Variants in C8orf34 observed in about 807,000 individuals in gnomAD.
C8orf34 encodes the protein uncharacterized protein C8orf34.
In C8orf34, 65 loss-of-function variants were observed where a neutral mutation model predicts 68.3. The ratio of observed to expected loss-of-function variants is 0.95; its 90% confidence interval spans 0.78 to 1.17. C8orf34 has a LOEUF of 1.17. Among genes scored for constraint, C8orf34 ranks in the 50% most tolerant of loss-of-function variants. The pLI is 0.00. For synonymous variants in C8orf34, 244 were observed against 241.2 expected (o/e 1.01, Z -0.11); for missense variants, 664 against 655.4 (o/e 1.01, Z -0.14).
chr8:68,691,664 C>G (rs1820689151), intron 8 of C8orf34, among the ~76,000 whole-genome samples: 1 of 151,836 alleles, frequency 6.6e-6, no homozygotes, highest in East Asian at 1.9e-4. Context: ...GAAAATAATC[C>G]TTGTTCATAA....
intron 1 of C8orf34, among the ~76,000 whole-genome samples, chr8:68,400,382 G>A (rs143760816): frequency 8.9e-4 from 135 of 152,084 alleles, no homozygotes; most frequent in Non-Finnish European, 1.2e-3. Context: ...TCTTCTGCAT[G>A]TGGCTATCCA....
intron 4 of C8orf34, among the ~76,000 whole-genome samples, chr8:68,471,929 C>T (rs533186207): frequency 0.033 from 1,327 of 40,286 alleles, 9 homozygotes; most frequent in Non-Finnish European, 0.058. Flanking sequence ...TAAATGAACA[C>T]ACACACACAC....
chr8:68,550,916 C>G (rs116721851), intron 7 of C8orf34, among the ~76,000 whole-genome samples: 431 of 151,108 alleles, frequency 2.9e-3, no homozygotes, highest in African/African-American at 9.4e-3. Context: ...GTTCTGCTTC[C>G]CCCCCTCTGG....
intron 7 of C8orf34, among the ~76,000 whole-genome samples, chr8:68,537,166 A>G (rs1356608205): frequency 1.3e-5 from 2 of 152,138 alleles, no homozygotes; most frequent in African/African-American, 4.8e-5. Context: ...CTAATGAGAA[A>G]TGAATGCTGT....
At chr8:68,754,365 T>C (rs1472856617) in intron 10 of C8orf34, among the ~76,000 whole-genome samples, 3 of 152,252 alleles carry the variant, frequency 2.0e-5, no homozygotes, top group Non-Finnish European at 4.4e-5. Flanking sequence ...CAAAATCTGC[T>C]ACCAGGAATG....
chr8:68,571,782 A>C (rs1816765978), intron 7 of C8orf34, among the ~76,000 whole-genome samples: 1 of 152,236 alleles, frequency 6.6e-6, no homozygotes, highest in Admixed American at 6.5e-5. Context: ...ATTTCAGAAT[A>C]TGAACACGGT....
intron 7 of C8orf34, among the ~76,000 whole-genome samples, chr8:68,637,349 T>C (rs1585652707): frequency 6.6e-6 from 1 of 152,222 alleles, no homozygotes; most frequent in East Asian, 1.9e-4. Context: ...TGCCTGAATA[T>C]TAAAGGGAGG....
intron 7 of C8orf34, among the ~76,000 whole-genome samples, chr8:68,636,845 C>A (rs1426017172): frequency 6.6e-6 from 1 of 152,138 alleles, no homozygotes; most frequent in Non-Finnish European, 1.5e-5. Flanking sequence ...AATGTACCAG[C>A]ATCATGGACA....
intron 8 of C8orf34, among the ~76,000 whole-genome samples, chr8:68,671,648 T>C (rs1820014078): frequency 1.3e-5 from 2 of 152,212 alleles, no homozygotes; most frequent in Non-Finnish European, 2.9e-5. Flanking sequence ...TGTGTTAAAT[T>C]GTTGCTAAAA....
chr8:68,667,684 C>T (rs1305172616), intron 8 of C8orf34, among the ~76,000 whole-genome samples: 2 of 152,118 alleles, frequency 1.3e-5, no homozygotes, highest in Non-Finnish European at 2.9e-5. Context: ...TCTATTTTAA[C>T]TCATTTTAGT....
intron 11 of C8orf34, among the ~76,000 whole-genome samples, chr8:68,782,784 G>C (rs556468161): frequency 1.8e-4 from 28 of 152,200 alleles, no homozygotes; most frequent in Non-Finnish European, 3.1e-4. Flanking sequence ...GAGGCTGGGC[G>C]TGGTGGCTCA....
intron 5 of C8orf34, among the ~76,000 whole-genome samples, chr8:68,511,221 T>G (rs1042141937): frequency 6.6e-6 from 1 of 152,188 alleles, no homozygotes; most frequent in Non-Finnish European, 1.5e-5. Context: ...GCAAGGCAAT[T>G]TTTACTTCTA....
At chr8:68,782,861 A>C (rs1180782856) in intron 11 of C8orf34, among the ~76,000 whole-genome samples, 1 of 151,980 alleles carries the variant, frequency 6.6e-6, no homozygotes, top group African/African-American at 2.4e-5. Context: ...ATTGAAGACC[A>C]GTCTGGGCAA....
chr8:68,506,929 C>A (rs7838651), intron 5 of C8orf34, among the ~76,000 whole-genome samples: 3 of 151,760 alleles, frequency 2.0e-5, no homozygotes, highest in African/African-American at 2.4e-5. Context: ...TCCATTGATA[C>A]GCATGCTTTT....
intron 5 of C8orf34, among the ~76,000 whole-genome samples, chr8:68,513,680 G>A (rs904006621): frequency 2.0e-5 from 3 of 152,224 alleles, no homozygotes; most frequent in African/African-American, 4.8e-5. Flanking sequence ...CCTCCACCAG[G>A]AGAAATGCTT....
chr8:68,569,121 G>T (rs1047589438), intron 7 of C8orf34, among the ~76,000 whole-genome samples: 2 of 152,172 alleles, frequency 1.3e-5, no homozygotes, highest in Non-Finnish European at 2.9e-5. Context: ...TAGAGGTAAG[G>T]TGTGGGTTTC....
At chr8:68,590,365 C>G (rs1050942518) in intron 7 of C8orf34, among the ~76,000 whole-genome samples, 3 of 152,052 alleles carry the variant, frequency 2.0e-5, no homozygotes, top group African/African-American at 7.2e-5. Flanking sequence ...ATTTCTTAGT[C>G]CCTTTTATTT....
chr8:68,738,291 AGC>A (rs1822179507), intron 10 of C8orf34, among the ~76,000 whole-genome samples: 1 of 152,132 alleles, frequency 6.6e-6, no homozygotes, highest in Non-Finnish European at 1.5e-5. Flanking sequence ...TCTGGGACAC[AGC>A]TAAGGCAGTG....
intron 1 of C8orf34, among the ~76,000 whole-genome samples, chr8:68,336,745 A>C (rs1435621090): frequency 2.0e-5 from 3 of 152,190 alleles, no homozygotes; most frequent in Non-Finnish European, 4.4e-5. Flanking sequence ...AAGTAGAACC[A>C]GGTGTCCTTG....
Sources: gnomAD v4.1 joint callset for allele counts (sites outside exome capture counted in the v4.1 genomes callset) on GRCh38, gnomAD v4.1.1 for gene constraint, MANE v1.5 for transcripts, NCBI Gene and HGNC (gene_info 2026-07-23, HGNC 2026-07-21) for gene names.